CCSER1: variants seen among roughly 807,000 people sequenced by gnomAD.
The protein encoded by CCSER1 is serine-rich coiled-coil domain-containing protein 1.
In CCSER1, 41 loss-of-function variants were observed where a neutral mutation model predicts 82.0. The observed-to-expected ratio is 0.50, with a 90% CI of 0.39 to 0.65. The LOEUF is 0.65. Among genes scored for constraint, CCSER1 ranks in the 30% least tolerant of loss-of-function variants. The pLI is 0.00. For missense variants in CCSER1, 1,119 were observed against 1,064.2 expected (o/e 1.05, Z -0.72); for synonymous variants, 414 against 383.9 (o/e 1.08, Z -0.92).
intron 8 of CCSER1, among the ~76,000 whole-genome samples, chr4:90,908,412 A>C (rs2150179916): frequency 6.6e-6 from 1 of 152,222 alleles, no homozygotes; most frequent in Admixed American, 6.6e-5. Flanking sequence ...AAGGTGATAA[A>C]ATAGATAAGG....
chr4:91,469,480 C>T (rs988313966), intron 10 of CCSER1, among the ~76,000 whole-genome samples: 1 of 152,298 alleles, frequency 6.6e-6, no homozygotes, highest in Non-Finnish European at 1.5e-5. Context: ...TGTTTCCTCT[C>T]TTGGGGCACC....
intron 10 of CCSER1, among the ~76,000 whole-genome samples, chr4:91,552,052 T>C (rs1762184257): frequency 6.6e-6 from 1 of 151,802 alleles, no homozygotes; most frequent in South Asian, 2.1e-4. Flanking sequence ...TTATGGTATA[T>C]AGAAGAAATA....
At chr4:91,113,875 C>G (rs1378265578) in intron 10 of CCSER1, among the ~76,000 whole-genome samples, 1 of 147,516 alleles carries the variant, frequency 6.8e-6, no homozygotes, top group Admixed American at 6.8e-5. Context: ...TTTTTTGATA[C>G]GGAGTCTCGC....
intron 6 of CCSER1, chr4:90,664,009 A>T (rs1731273726): frequency 6.0e-6 from 1 of 166,202 alleles, no homozygotes; most frequent in South Asian, 1.3e-4. Context: ...TTTTAAAAAA[A>T]TCTCTATTTA....
At chr4:91,420,465 A>C (rs1753625307) in intron 10 of CCSER1, among the ~76,000 whole-genome samples, 1 of 152,278 alleles carries the variant, frequency 6.6e-6, no homozygotes, top group South Asian at 2.1e-4. Flanking sequence ...ATTGTCAGAG[A>C]AATGCAAATG....
intron 6 of CCSER1, among the ~76,000 whole-genome samples, chr4:90,670,165 C>T (rs1246569641): frequency 4.6e-5 from 7 of 152,054 alleles, no homozygotes; most frequent in African/African-American, 9.7e-5. Flanking sequence ...ATTAAAGTCT[C>T]GAATTGAATA....
intron 4 of CCSER1, among the ~76,000 whole-genome samples, chr4:90,410,343 A>G (rs368713843): frequency 1.1e-4 from 16 of 152,186 alleles, no homozygotes; most frequent in East Asian, 3.9e-4. Flanking sequence ...TTTCAGCACC[A>G]CACCACACCT....
chr4:90,303,912 G>A (rs1733695342), intron 1 of CCSER1, among the ~76,000 whole-genome samples: 1 of 151,634 alleles, frequency 6.6e-6, no homozygotes, highest in African/African-American at 2.4e-5. Context: ...TCTGACAAAG[G>A]GCTAATATCC....
chr4:90,788,504 C>A (rs1286473731), intron 7 of CCSER1, among the ~76,000 whole-genome samples: 1 of 152,108 alleles, frequency 6.6e-6, no homozygotes, highest in Non-Finnish European at 1.5e-5. Flanking sequence ...CTGGTAGTTT[C>A]TTGGTTTGTG....
intron 9 of CCSER1, among the ~76,000 whole-genome samples, chr4:90,940,449 G>T (rs1731459397): frequency 6.6e-6 from 1 of 151,904 alleles, no homozygotes; most frequent in African/African-American, 2.4e-5. Context: ...TTCTCACAGT[G>T]TTCATTATAT....
At chr4:90,764,567 A>G (rs987710707) in intron 7 of CCSER1, among the ~76,000 whole-genome samples, 1 of 152,174 alleles carries the variant, frequency 6.6e-6, no homozygotes, top group Non-Finnish European at 1.5e-5. Flanking sequence ...TTATTTAAAC[A>G]GAAAGAAGAG....
chr4:90,616,609 T>C (rs1189657388), intron 5 of CCSER1, among the ~76,000 whole-genome samples: 1 of 151,132 alleles, frequency 6.6e-6, no homozygotes, highest in Non-Finnish European at 1.5e-5. Flanking sequence ...TGCTTGAACC[T>C]GGGAGGCGGA....
intron 10 of CCSER1, among the ~76,000 whole-genome samples, chr4:91,333,256 A>G (rs1747083606): frequency 6.6e-6 from 1 of 152,068 alleles, no homozygotes; most frequent in African/African-American, 2.4e-5. Context: ...ACCACTGTGT[A>G]TCAGACAAAA....
chr4:90,937,480 A>AACACACACACACACCC (rs1731084207), intron 9 of CCSER1, among the ~76,000 whole-genome samples: 1 of 146,034 alleles, frequency 6.8e-6, no homozygotes, highest in African/African-American at 2.7e-5. Context: ...TCTAATTTGA[A>AACACACACACACACCC]ACACACACAC....
chr4:90,445,002 C>G (rs1039939938), intron 4 of CCSER1, among the ~76,000 whole-genome samples: 21 of 151,834 alleles, frequency 1.4e-4, no homozygotes, highest in African/African-American at 5.1e-4. Flanking sequence ...TGATCACTGA[C>G]TAGTAGTCAT....
chr4:90,226,858 C>T (rs1743262491), intron 1 of CCSER1, among the ~76,000 whole-genome samples: 2 of 152,206 alleles, frequency 1.3e-5, no homozygotes, highest in Admixed American at 6.5e-5. Flanking sequence ...CAGATCATCT[C>T]CCAGCCAATG....
At chr4:91,060,458 A>G (rs1743864150) in intron 9 of CCSER1, among the ~76,000 whole-genome samples, 1 of 152,014 alleles carries the variant, frequency 6.6e-6, no homozygotes, top group South Asian at 2.1e-4. Context: ...AGAAGAATGC[A>G]TTTGCAAAAC....
chr4:90,981,969 C>T (rs1000540007), intron 9 of CCSER1, among the ~76,000 whole-genome samples: 3 of 151,796 alleles, frequency 2.0e-5, no homozygotes, highest in Admixed American at 6.6e-5. Flanking sequence ...TGCATAATCT[C>T]GAATTCTTCC....
At chr4:90,558,226 G>C (rs375374756) in intron 5 of CCSER1, among the ~76,000 whole-genome samples, 1 of 151,980 alleles carries the variant, frequency 6.6e-6, no homozygotes, top group African/African-American at 2.4e-5. Flanking sequence ...GCATAGCTGG[G>C]TTGCAATTAA....
Sources: allele counts gnomAD v4.1 joint callset (sites outside exome capture counted in the v4.1 genomes callset), GRCh38; gene constraint gnomAD v4.1.1; transcripts MANE v1.5; gene names NCBI Gene and HGNC (gene_info 2026-07-23, HGNC 2026-07-21).